The following HEPH variants were observed in gnomAD, a reference collection of about 807,000 sequenced individuals.
HEPH encodes hephaestin.
A neutral mutation model predicts 80.8 loss-of-function variants in HEPH; 69 were observed. The ratio of observed to expected loss-of-function variants is 0.85; its 90% CI spans 0.70 to 1.04. The LOEUF (loss-of-function observed/expected upper bound fraction) is 1.04. HEPH is among the 50% of genes least tolerant of loss of function. The probability of loss-of-function intolerance (pLI) is 0.00; values close to 1 mark genes in which losing one functional copy is unlikely to be tolerated. For missense variants in HEPH, 1,115 were observed against 891.3 expected (o/e 1.25, Z -3.20); for synonymous variants, 431 against 322.8 (o/e 1.34, Z -3.60).
downstream of HEPH, chrX:66,267,639 A>C (rs1031621960): frequency 9.0e-6 from 1 of 111,627 alleles, no homozygotes; most frequent in Admixed American, 9.5e-5. Flanking sequence ...CCAGAGGGAA[A>C]TAGAAGTCTG....
rs962797485 is a variant in HEPH at position 66,193,415 on chromosome X, A to T, written c.1233-87A>T. ...TCTGAGGTCCTTCCTAAATATAAAG[A>T]TTCATAACTTGGTGAGACTAAGGGT... is the stretch of plus-strand genomic sequence containing the variant. On this transcript the variant is annotated intron_variant, in intron 7 of 20. Coordinates refer to ENST00000343002, the MANE Select transcript of HEPH (RefSeq NM_001367233.3). 6.9e-6 allele frequency: 4 copies of T among 582,368 alleles called. No individual in the cohort carries two copies. In the Admixed American group the frequency reaches 1.7e-4, roughly 25 times the overall value. The allele number at this position is 582,368 out of a possible 1,213,427, so 48.0% of individuals were successfully genotyped here. A position where few individuals can be genotyped will look rare whatever the true frequency, so the allele number is the denominator to read the frequency against.
intron 15 of HEPH, among the ~76,000 whole-genome samples, chrX:66,248,856 C>T (rs1011926542): frequency 3.6e-5 from 4 of 111,617 alleles, no homozygotes; most frequent in African/African-American, 6.5e-5. Flanking sequence ...TGGAATGTAT[C>T]CTCCTTGGAT....
At chrX:66,221,038 G>T (rs2089622565) in intron 15 of HEPH, among the ~76,000 whole-genome samples, 1 of 111,824 alleles carries the variant, frequency 8.9e-6, no homozygotes, top group Non-Finnish European at 1.9e-5. Context: ...CAGTTAATAA[G>T]TCCTTACTGT....
chrX:66,179,470 C>A (rs1251646309), intron 4 of HEPH, among the ~76,000 whole-genome samples: 1 of 111,520 alleles, frequency 9.0e-6, no homozygotes, highest in Non-Finnish European at 1.9e-5. Context: ...TAGTTTTTTC[C>A]AATTCTGTGA....
chrX:66,266,700 A>G lies in HEPH; in HGVS notation c.*28A>G. The G allele has an allele frequency of 9.3e-7, 1 of 1,080,751 alleles. No homozygotes were observed. Among genetic ancestry groups the G allele is most frequent in the Non-Finnish European group, 1.3e-6 (1 of 781,392 alleles). The allele number at this position is 1,080,751 out of a possible 1,213,427, so 89.1% of individuals were successfully genotyped here. ...TCTGGAGCCTGGAGATATCCTCAGGAAGCACATCTGTAGTGCACTCCCAGC... is the reference window on the plus strand; with the variant it reads ...TCTGGAGCCTGGAGATATCCTCAGGGAGCACATCTGTAGTGCACTCCCAGC... On this transcript the variant is annotated 3_prime_UTR_variant, in exon 21 of 21. Coordinates refer to ENST00000343002, the MANE Select transcript of HEPH (RefSeq NM_001367233.3).
intron 7 of HEPH, 29 bp downstream of exon 7, chrX:66,192,327 A>G (rs1270790378): frequency 5.3e-6 from 6 of 1,137,017 alleles, no homozygotes; most frequent in Non-Finnish European, 7.2e-6. Context: ...CCTCTCTTTA[A>G]TTCTTTAATT....
intron 15 of HEPH, among the ~76,000 whole-genome samples, chrX:66,234,752 T>G (rs1276452409): frequency 9.0e-6 from 1 of 110,997 alleles, no homozygotes; most frequent in Non-Finnish European, 1.9e-5. Flanking sequence ...TTCTCATGCC[T>G]CAGCCTTGCG....
chrX:66,208,034 A>G (rs1481447119), intron 14 of HEPH, 81 bp from the exon 15 acceptor site: 1 of 716,715 alleles, frequency 1.4e-6, no homozygotes, highest in African/African-American at 2.1e-5. Context: ...TGAAGTGCTC[A>G]TATATGTCCC....
At chrX:66,266,259 A>G (rs1233253811) in intron 20 of HEPH, among the ~76,000 whole-genome samples, 181 bp from the exon 21 acceptor site, 1 of 110,962 alleles carries the variant, frequency 9.0e-6, no homozygotes, top group Admixed American at 9.6e-5. Flanking sequence ...TAGCTGTTAC[A>G]TCATGTTTTC....
intron 4 of HEPH, among the ~76,000 whole-genome samples, chrX:66,187,474 G>T (rs2087525521): frequency 9.0e-6 from 1 of 111,173 alleles, no homozygotes; most frequent in African/African-American, 3.3e-5. Flanking sequence ...CTTTTTTATG[G>T]ATGTGGCTTC....
chrX:66,197,592 C>T lies in HEPH; in HGVS notation c.1502-91C>T, dbSNP rs2088171455. 3 of 762,868 alleles carry T rather than the reference C, an allele frequency of 3.9e-6. No individual in the cohort carries two copies. In the South Asian group the frequency reaches 7.0e-5, roughly 18 times the overall value. 62.9% of individuals were successfully genotyped at this position (762,868 alleles called of 1,213,427 possible). A position where few individuals can be genotyped will look rare whatever the true frequency, so the allele number is the denominator to read the frequency against. Reference sequence around the variant, plus strand: ...TGCTGCTACTGCTGCTCCAAAATGCCTTTGTAGTTCATAATCTTTATTTCA... The same window carrying T: ...TGCTGCTACTGCTGCTCCAAAATGCTTTTGTAGTTCATAATCTTTATTTCA... On this transcript the variant is annotated intron_variant, in intron 9 of 20. Coordinates refer to ENST00000343002, the MANE Select transcript of HEPH (RefSeq NM_001367233.3).
At chrX:66,253,476 T>A (rs1388882676) in intron 15 of HEPH, among the ~76,000 whole-genome samples, 1 of 112,394 alleles carries the variant, frequency 8.9e-6, no homozygotes, top group African/African-American at 3.2e-5. Flanking sequence ...CTAATTTTCA[T>A]GCAGATGTTG....
intron 15 of HEPH, among the ~76,000 whole-genome samples, chrX:66,253,960 G>A (rs2091088343): frequency 9.0e-6 from 1 of 111,351 alleles, no homozygotes; most frequent in Non-Finnish European, 1.9e-5. Context: ...GGGTGGATTA[G>A]GGGATGAGGG....
At chrX:66,221,251 G>A (rs2089632910) in intron 15 of HEPH, among the ~76,000 whole-genome samples, 2 of 111,677 alleles carry the variant, frequency 1.8e-5, no homozygotes, top group Admixed American at 9.5e-5. Flanking sequence ...CAGAGGTTGG[G>A]CCTCCTAGCA....
At chrX:66,206,177 C>T (rs928866647) in intron 13 of HEPH, among the ~76,000 whole-genome samples, 1 of 109,776 alleles carries the variant, frequency 9.1e-6, no homozygotes, top group Non-Finnish European at 1.9e-5. Context: ...TTAATACTTT[C>T]CTGCCACCTT....
chrX:66,225,819 C>T (rs2089863430), intron 15 of HEPH, among the ~76,000 whole-genome samples: 1 of 112,714 alleles, frequency 8.9e-6, no homozygotes, highest in South Asian at 3.6e-4. Flanking sequence ...CACCTTGCTT[C>T]CTGGTCAAGG....
chrX:66,223,554 C>A (rs1026603691), intron 15 of HEPH, among the ~76,000 whole-genome samples: 2 of 111,076 alleles, frequency 1.8e-5, no homozygotes, highest in African/African-American at 6.5e-5. Context: ...TCTTTTTAAC[C>A]TTTTATAATC....
At chrX:66,232,732 A>G (rs1161584206) in intron 15 of HEPH, among the ~76,000 whole-genome samples, 2 of 111,498 alleles carry the variant, frequency 1.8e-5, no homozygotes, top group East Asian at 5.6e-4. Context: ...ATTTTAAAAT[A>G]TATAAAAAAT....
intron 15 of HEPH, among the ~76,000 whole-genome samples, chrX:66,211,673 A>AT (rs1294834406): frequency 9.0e-6 from 1 of 111,711 alleles, no homozygotes; most frequent in African/African-American, 3.2e-5. Context: ...ATATGATTTC[A>AT]TTCTTTTTTA....
Sources: gnomAD v4.1 joint callset for allele counts (sites outside exome capture counted in the v4.1 genomes callset) on GRCh38, gnomAD v4.1.1 for gene constraint, MANE v1.5 for transcripts, NCBI Gene and HGNC (gene_info 2026-07-23, HGNC 2026-07-21) for gene names.